Variants in ANKRD45 observed in about 807,000 individuals in gnomAD.
The protein encoded by ANKRD45 is ankyrin repeat domain 45.
In ANKRD45, 21 loss-of-function variants were observed where a neutral mutation model predicts 28.1. That is an observed-to-expected ratio of 0.75 (90% CI 0.53 to 1.08). The LOEUF (loss-of-function observed/expected upper bound fraction) is 1.08, where lower values mean the gene tolerates loss of function less well. Ranked by LOEUF, ANKRD45 falls within the 50% of genes least tolerant of loss-of-function variation. ANKRD45 has a pLI of 0.00. For missense variants in ANKRD45, 261 were observed against 308.7 expected (o/e 0.85, Z 1.16); for synonymous variants, 86 against 103.9 (o/e 0.83, Z 1.05).
intron 1 of ANKRD45, among the ~76,000 whole-genome samples, chr1:173,668,398 C>A (rs1670112989): frequency 6.6e-6 from 1 of 152,130 alleles, no homozygotes; most frequent in Non-Finnish European, 1.5e-5. Context: ...CTGACAAAAC[C>A]AGGAGATACC....
the ANKRD45 span, among the ~76,000 whole-genome samples, chr1:173,676,259 C>T: frequency 6.6e-6 from 1 of 152,228 alleles, no homozygotes; most frequent in Admixed American, 6.5e-5. Flanking sequence ...ATTGTATTGT[C>T]ATAAGAATAC....
Position 173,624,828 on chromosome 1 carries a change from T to C in ANKRD45, c.689A>G (p.Glu230Gly). Residue 230 changes from glutamate (E) to glycine (G), a missense_variant, in exon 5 of 6, where the codon GAA (glutamate) becomes GGA (glycine). Transcript: ENST00000333279. ...NELFEQRQQL[E>G]DIVTPIFTKM... ...TGTGAAGATAGGAGTCACAATATCTTCCAGTTGTTGTCTCTGCTCAAAAAG... is the reference window on the plus strand; with the variant it reads ...TGTGAAGATAGGAGTCACAATATCTCCCAGTTGTTGTCTCTGCTCAAAAAG... 2 of 1,613,824 alleles carry C rather than the reference T, an allele frequency of 1.2e-6. No homozygotes were observed. Among genetic ancestry groups the C allele is most frequent in the Non-Finnish European group, 1.7e-6 (2 of 1,179,836 alleles).
chr1:173,617,068 C>T (rs1285046737), intron 5 of ANKRD45, among the ~76,000 whole-genome samples: 2 of 152,104 alleles, frequency 1.3e-5, no homozygotes, highest in African/African-American at 2.4e-5. Context: ...CCACCGATCA[C>T]GAGATCCCCT....
intron 2 of ANKRD45, among the ~76,000 whole-genome samples, chr1:173,655,698 T>A (rs1047168645): frequency 6.6e-6 from 1 of 152,252 alleles, no homozygotes; most frequent in East Asian, 1.9e-4. Flanking sequence ...AGCTATGCCC[T>A]GACCCCAGAG....
chr1:173,684,634 A>G, the ANKRD45 span, among the ~76,000 whole-genome samples: 54 of 152,234 alleles, frequency 3.5e-4, 1 homozygote, highest in Non-Finnish European at 1.8e-4. Flanking sequence ...TGGCTAACTC[A>G]TTGGACAGAG....
chr1:173,663,054 A>AACAC (rs60072209), intron 1 of ANKRD45, among the ~76,000 whole-genome samples: 3,128 of 140,312 alleles, frequency 0.022, 87 homozygotes, highest in African/African-American at 0.06. Context: ...CCACCCTTCC[A>AACAC]ACACACACAC....
intron 3 of ANKRD45, among the ~76,000 whole-genome samples, chr1:173,632,779 T>C (rs1425412318): frequency 6.6e-6 from 1 of 151,942 alleles, no homozygotes; most frequent in East Asian, 1.9e-4. Flanking sequence ...ATGATCATTT[T>C]AATTGAGGCT....
chr1:173,630,631 T>A (rs116169225), intron 3 of ANKRD45, among the ~76,000 whole-genome samples: 1,745 of 146,088 alleles, frequency 0.012, 44 homozygotes, highest in African/African-American at 0.041. Flanking sequence ...GGCGATCACT[T>A]GAGGTCAGGA....
intron 2 of ANKRD45, among the ~76,000 whole-genome samples, chr1:173,653,607 A>G (rs1435511914): frequency 6.6e-6 from 1 of 152,176 alleles, no homozygotes; most frequent in Non-Finnish European, 1.5e-5. Flanking sequence ...GCAGATGTCT[A>G]TTAGGTCTGC....
chr1:173,669,705 C>A (rs1047343518), intron 1 of ANKRD45, 112 bp downstream of exon 1: 1 of 322,244 alleles, frequency 3.1e-6, no homozygotes, highest in South Asian at 2.9e-5. Flanking sequence ...GATTGAAGCC[C>A]ACTCCCCTCC....
At chr1:173,713,322 C>T in the ANKRD45 span, among the ~76,000 whole-genome samples, 1 of 152,168 alleles carries the variant, frequency 6.6e-6, no homozygotes, top group Non-Finnish European at 1.5e-5. Flanking sequence ...CAAACCCCAT[C>T]TTGCCTTTAG....
At chr1:173,693,460 A>G in the ANKRD45 span, among the ~76,000 whole-genome samples, 6 of 152,232 alleles carry the variant, frequency 3.9e-5, no homozygotes, top group Non-Finnish European at 5.9e-5. Flanking sequence ...ATGCATATTC[A>G]TGCTGGCAAA....
the ANKRD45 span, among the ~76,000 whole-genome samples, chr1:173,711,454 G>T: frequency 3.3e-5 from 5 of 152,226 alleles, no homozygotes; most frequent in African/African-American, 9.6e-5. Context: ...AGGTAGATAA[G>T]AGACAAATTG....
the ANKRD45 span, among the ~76,000 whole-genome samples, chr1:173,711,785 A>T: frequency 6.6e-6 from 1 of 152,218 alleles, no homozygotes; most frequent in Non-Finnish European, 1.5e-5. Context: ...CTCTAAATGG[A>T]GTTCTCTAGG....
At chr1:173,629,686 C>T (rs1668101089) in intron 3 of ANKRD45, among the ~76,000 whole-genome samples, 1 of 151,908 alleles carries the variant, frequency 6.6e-6, no homozygotes, top group African/African-American at 2.4e-5. Context: ...AAGGGCAAAT[C>T]TAAAAGTTTC....
intron 3 of ANKRD45, among the ~76,000 whole-genome samples, chr1:173,635,079 T>C (rs951797389): frequency 2.0e-5 from 3 of 152,082 alleles, no homozygotes; most frequent in Admixed American, 6.5e-5. Context: ...TAAGATTCTA[T>C]TAATATGACT....
chr1:173,654,501 C>T (rs1669402881), intron 2 of ANKRD45, among the ~76,000 whole-genome samples: 1 of 152,150 alleles, frequency 6.6e-6, no homozygotes, highest in South Asian at 2.1e-4. Context: ...TGTGGGTAAC[C>T]CAACCTTTCT....
chr1:173,626,177 T>C (rs1252417060), intron 4 of ANKRD45, among the ~76,000 whole-genome samples: 1 of 152,214 alleles, frequency 6.6e-6, no homozygotes, highest in Non-Finnish European at 1.5e-5. Flanking sequence ...TGATATCTTA[T>C]ACTTTTAGCA....
At chr1:173,638,952 C>A (rs1668583033) in intron 3 of ANKRD45, among the ~76,000 whole-genome samples, 1 of 152,040 alleles carries the variant, frequency 6.6e-6, no homozygotes, top group South Asian at 2.1e-4. Flanking sequence ...ATAGATGGTT[C>A]CCCCAAAATA....
Sources: allele counts gnomAD v4.1 joint callset (sites outside exome capture counted in the v4.1 genomes callset), GRCh38; gene constraint gnomAD v4.1.1; transcripts MANE v1.5; gene names NCBI Gene and HGNC (gene_info 2026-07-23, HGNC 2026-07-21).